Variants in ARID1B observed in about 807,000 individuals in gnomAD.
ARID1B encodes the protein AT-rich interactive domain-containing protein 1B.
In ARID1B, 30 loss-of-function variants were observed where a neutral mutation model predicts 212.3. The observed-to-expected ratio is 0.14, with a 90% confidence interval of 0.11 to 0.19. The LOEUF (loss-of-function observed/expected upper bound fraction) is 0.19. ARID1B is among the 10% of genes least tolerant of loss of function. ARID1B has a pLI of 1.00. For missense variants in ARID1B, 2,891 were observed against 3,204.0 expected, an observed-to-expected ratio of 0.90 and a Z score of 2.36; for synonymous variants, 1,402 against 1,301.7, an observed-to-expected ratio of 1.08 and a Z score of -1.66.
intron 4 of ARID1B, among the ~76,000 whole-genome samples, chr6:157,032,730 C>A (rs2128498283): frequency 6.6e-6 from 1 of 152,212 alleles, no homozygotes; most frequent in Non-Finnish European, 1.5e-5. Flanking sequence ...GAACAAGAAG[C>A]ACATGTAGTT....
intron 2 of ARID1B, among the ~76,000 whole-genome samples, chr6:156,863,394 C>A (rs1785469015): frequency 6.6e-6 from 1 of 151,936 alleles, no homozygotes; most frequent in East Asian, 1.9e-4. Context: ...TCTGGATTCT[C>A]AAGGTTGGAT....
At chr6:157,030,266 A>G (rs778804473) in intron 4 of ARID1B, 1 of 152,280 alleles carries the variant, frequency 6.6e-6, no homozygotes, top group East Asian at 1.9e-4. Context: ...GGGCTTGTTC[A>G]TGTGGTGGTT....
At chr6:157,012,790 C>T (rs150997794) in intron 4 of ARID1B, among the ~76,000 whole-genome samples, 29 of 152,272 alleles carry the variant, frequency 1.9e-4, no homozygotes, top group African/African-American at 6.3e-4. Flanking sequence ...TGCAGATTAA[C>T]AATGAAAGCA....
At chr6:157,192,863 T>A (rs1391285832) in intron 15 of ARID1B, among the ~76,000 whole-genome samples, 2 of 152,260 alleles carry the variant, frequency 1.3e-5, no homozygotes, top group African/African-American at 4.8e-5. Flanking sequence ...CAGTTTGCCT[T>A]ACTCTGTCAG....
intron 3 of ARID1B, among the ~76,000 whole-genome samples, chr6:156,920,195 C>A (rs1021995175): frequency 2.0e-5 from 3 of 152,264 alleles, no homozygotes; most frequent in Admixed American, 6.5e-5. Flanking sequence ...CCTTCAGCTC[C>A]CTGGGCCTGA....
At chr6:157,098,882 C>A (rs1562616694) in intron 5 of ARID1B, among the ~76,000 whole-genome samples, 1 of 152,218 alleles carries the variant, frequency 6.6e-6, no homozygotes. Context: ...CCTTTCAGGC[C>A]ACTTAGCAGT....
chr6:156,845,286 A>G (rs1231137841), intron 2 of ARID1B, among the ~76,000 whole-genome samples: 3 of 152,104 alleles, frequency 2.0e-5, no homozygotes, highest in African/African-American at 7.2e-5. Context: ...TCTGTACTTT[A>G]TTACCCTCCT....
Position 157,209,624 on chromosome 6 carries a change from A to G in ARID1B, c.*1733A>G, listed in dbSNP as rs200201116. 5.6e-5 allele frequency: 13 copies of G among 233,072 alleles called. No homozygotes were observed. Among genetic ancestry groups the G allele is most frequent in the South Asian group, 1.8e-4 (1 of 5,522 alleles). The allele number at this position is 233,072 out of a possible 1,614,324, so 14.4% of individuals were successfully genotyped here. A position where few individuals can be genotyped will look rare whatever the true frequency, so the allele number is the denominator to read the frequency against. ...CTCCATCTTAGTTTAATCAAAGTTCAATCTATTCCTTGTTTCTTCTGTGTG... is the reference window on the plus strand; with the variant it reads ...CTCCATCTTAGTTTAATCAAAGTTCGATCTATTCCTTGTTTCTTCTGTGTG... On this transcript the variant is annotated 3_prime_UTR_variant, in exon 20 of 20. Transcript: ENST00000636930.
intron 2 of ARID1B, among the ~76,000 whole-genome samples, chr6:156,867,405 G>A (rs1785779811): frequency 6.6e-6 from 1 of 152,174 alleles, no homozygotes; most frequent in Admixed American, 6.5e-5. Flanking sequence ...GGCATAAACT[G>A]AGCTGGGAGA....
intron 4 of ARID1B, among the ~76,000 whole-genome samples, chr6:156,982,730 A>G (rs775300866): frequency 6.6e-6 from 1 of 151,918 alleles, no homozygotes; most frequent in African/African-American, 2.4e-5. Flanking sequence ...TTCTTTATAC[A>G]TAGTTCCTTT....
At chr6:156,945,564 A>G (rs757547609) in intron 4 of ARID1B, among the ~76,000 whole-genome samples, 1 of 151,580 alleles carries the variant, frequency 6.6e-6, no homozygotes, top group Non-Finnish European at 1.5e-5. Context: ...TCTTTTCCCC[A>G]TGGGCATGGG....
chr6:156,789,442 A>C (rs1467549927), intron 1 of ARID1B, among the ~76,000 whole-genome samples: 1 of 152,232 alleles, frequency 6.6e-6, no homozygotes, highest in African/African-American at 2.4e-5. Flanking sequence ...TGTGCCAGGC[A>C]TCATGCTGGG....
rs1334692581 is a variant in ARID1B at position 157,207,903 on chromosome 6, A to G, written c.*12A>G. ...TTGGGCAGTTATGACATAAGTGAGA[A>G]GGCAAGCATGTGTGAGTGAAGATTA... On this transcript the variant is annotated 3_prime_UTR_variant, in exon 20 of 20. Coordinates refer to ENST00000636930, the MANE Select transcript of ARID1B (RefSeq NM_001374828.1). This position sits in a 1 kb window ranked among gnomAD's most constrained non-coding sequence, Gnocchi z 8.5. The G allele has an allele frequency of 6.8e-7, 1 of 1,477,180 alleles. No homozygotes were observed. Among genetic ancestry groups the G allele is most frequent in the East Asian group, 2.3e-5 (1 of 43,558 alleles). 91.5% of individuals were successfully genotyped at this position (1,477,180 alleles called of 1,614,324 possible).
intron 2 of ARID1B, among the ~76,000 whole-genome samples, chr6:156,850,906 T>A (rs287924): frequency 0.75 from 114,097 of 152,084 alleles, 43,611 homozygotes; most frequent in African/African-American, 0.9. Context: ...AATATGAAAG[T>A]CACAAAAATT....
intron 6 of ARID1B, among the ~76,000 whole-genome samples, chr6:157,124,439 T>C (rs1338745195): frequency 6.6e-6 from 1 of 152,198 alleles, no homozygotes; most frequent in East Asian, 1.9e-4. Context: ...TTCATGCTTA[T>C]AAAAGTGACT....
rs1465926594 is a variant in ARID1B, at chr6:157,209,813, C to T, written c.*1922C>T. On this transcript the variant is annotated 3_prime_UTR_variant, in exon 20 of 20. Transcript: ENST00000636930. ...CTCATATTCCTTCCTACCTGGTGCA[C>T]AGTAGCTTTTTAATACTAGTCACTT... The T allele has an allele frequency of 8.6e-6, 2 of 233,290 alleles. No homozygotes were observed. The highest frequency in any genetic ancestry group is 4.4e-5 in the African/African-American group (2 of 45,472). The allele number at this position is 233,290 out of a possible 1,614,324, so 14.5% of individuals were successfully genotyped here.
chr6:156,837,215 G>T (rs911963656), intron 2 of ARID1B, among the ~76,000 whole-genome samples: 1 of 152,202 alleles, frequency 6.6e-6, no homozygotes, highest in Non-Finnish European at 1.5e-5. Flanking sequence ...CCTGGTATGT[G>T]TTAGATGTGT....
chr6:157,075,650 C>G (rs1383176224), intron 4 of ARID1B, among the ~76,000 whole-genome samples: 1 of 152,230 alleles, frequency 6.6e-6, no homozygotes, highest in Non-Finnish European at 1.5e-5. Flanking sequence ...ACCAAGTGAT[C>G]AAGGCTAACA....
At chr6:156,786,946 CTTTT>C (rs373597720) in intron 1 of ARID1B, among the ~76,000 whole-genome samples, 1 of 128,898 alleles carries the variant, frequency 7.8e-6, no homozygotes, top group Non-Finnish European at 1.6e-5. Context: ...ATTTGGCCTG[CTTTT>C]TTTTTTTTTT....
Sources: allele counts gnomAD v4.1 joint callset (sites outside exome capture counted in the v4.1 genomes callset), GRCh38; gene constraint gnomAD v4.1.1; non-coding constraint Gnocchi (gnomAD v3.1); transcripts MANE v1.5; gene names NCBI Gene and HGNC (gene_info 2026-07-23, HGNC 2026-07-21).